The following MGAT4C variants were observed in gnomAD, a reference collection of about 807,000 sequenced individuals.
The protein encoded by MGAT4C is alpha-1,3-mannosyl-glycoprotein 4-beta-N-acetylglucosaminyltransferase C.
Under a neutral mutation model 40.1 loss-of-function variants are expected in MGAT4C, and 19 were observed. That is an observed-to-expected ratio of 0.47 (90% CI 0.33 to 0.70). The LOEUF (loss-of-function observed/expected upper bound fraction) is 0.70, where lower values mean the gene tolerates loss of function less well. Ranked by LOEUF, MGAT4C falls within the 30% of genes least tolerant of loss-of-function variation. The probability of loss-of-function intolerance (pLI) is 0.02; values close to 1 mark genes in which losing one functional copy is unlikely to be tolerated. For missense variants in MGAT4C, 491 were observed against 563.2 expected (o/e 0.87, Z 1.30); for synonymous variants, 181 against 187.1 (o/e 0.97, Z 0.27).
At chr12:86,836,719 T>C (rs111901698) in intron 1 of MGAT4C, among the ~76,000 whole-genome samples, 1 of 152,100 alleles carries the variant, frequency 6.6e-6, no homozygotes, top group Non-Finnish European at 1.5e-5. Flanking sequence ...CTGATTTTCA[T>C]ATATGTTATA....
chr12:86,214,570 A>T (rs771462964), intron 1 of MGAT4C, among the ~76,000 whole-genome samples: 19 of 152,164 alleles, frequency 1.2e-4, no homozygotes, highest in South Asian at 2.1e-4. Flanking sequence ...GCTTGGTGAG[A>T]TCCCTCCTCT....
intron 1 of MGAT4C, among the ~76,000 whole-genome samples, chr12:86,231,186 C>T (rs531241111): frequency 6.6e-6 from 1 of 152,208 alleles, no homozygotes; most frequent in African/African-American, 2.4e-5. Context: ...TTCCCTTTAG[C>T]AAATTATTTT....
At chr12:86,517,652 GTTTATTTA>G (rs376546298) in intron 2 of MGAT4C, among the ~76,000 whole-genome samples, 5 of 151,260 alleles carry the variant, frequency 3.3e-5, no homozygotes, top group African/African-American at 1.2e-4. Flanking sequence ...TTGTTTGTTT[GTTTATTTA>G]TTTAGAGATG....
At chr12:86,252,650 T>C (rs1952348151) in intron 1 of MGAT4C, among the ~76,000 whole-genome samples, 1 of 151,920 alleles carries the variant, frequency 6.6e-6, no homozygotes, top group African/African-American at 2.4e-5. Flanking sequence ...TGTCTCTAGT[T>C]TGCTTGTTCA....
chr12:86,611,381 C>T (rs929460299), intron 2 of MGAT4C, among the ~76,000 whole-genome samples: 1 of 146,728 alleles, frequency 6.8e-6, no homozygotes, highest in Admixed American at 6.8e-5. Flanking sequence ...AGATAGAGGT[C>T]CCATAGATAG....
chr12:86,817,577 T>C (rs948654303), intron 1 of MGAT4C, among the ~76,000 whole-genome samples: 4 of 151,678 alleles, frequency 2.6e-5, no homozygotes, highest in African/African-American at 9.6e-5. Context: ...TATTGAGAAA[T>C]AGGCCTACTA....
rs1206693119 is a variant in MGAT4C, at chr12:86,493,800, T to TAATAA, written c.-228-58540_-228-58536dup. On this transcript the variant is annotated intron_variant, in intron 2 of 7. Transcript: ENST00000548651. ...TACCCTAAAACTTGAAGTATAATAA[T>TAATAA]AATAAAATAAAATAAAATAAAATAA... Among the ~76,000 whole-genome samples the TAATAA allele has an allele frequency of 3.3e-3, 499 of 151,768 alleles. 2 individuals are homozygous for TAATAA. The highest frequency in any genetic ancestry group is 0.011 in the African/African-American group (470 of 41,366).
At chr12:86,032,127 TG>T (rs1890809880) in intron 2 of MGAT4C, among the ~76,000 whole-genome samples, 2 of 152,026 alleles carry the variant, frequency 1.3e-5, no homozygotes, top group Non-Finnish European at 2.9e-5. Flanking sequence ...TAAGATCCTG[TG>T]GTATATATCT....
intron 1 of MGAT4C, among the ~76,000 whole-genome samples, chr12:86,760,083 A>T (rs1326499827): frequency 6.6e-6 from 1 of 152,156 alleles, no homozygotes; most frequent in East Asian, 1.9e-4. Flanking sequence ...AGATACATAG[A>T]CTAGGAGTAA....
At chr12:86,109,515 C>T (rs1493406) in intron 1 of MGAT4C, among the ~76,000 whole-genome samples, 17,066 of 151,852 alleles carry the variant, frequency 0.11, 2,070 homozygotes, top group African/African-American at 0.3. Flanking sequence ...TTTTGAATAT[C>T]TAATTATATA....
At chr12:86,173,157 T>A (rs926514829) in intron 1 of MGAT4C, among the ~76,000 whole-genome samples, 11 of 152,102 alleles carry the variant, frequency 7.2e-5, no homozygotes, top group South Asian at 6.2e-4. Flanking sequence ...ATAACCTAAC[T>A]GGGATTCATA....
chr12:86,537,014 T>C (rs1959082696), intron 2 of MGAT4C, among the ~76,000 whole-genome samples: 1 of 152,154 alleles, frequency 6.6e-6, no homozygotes, highest in Non-Finnish European at 1.5e-5. Context: ...GTGGCACATA[T>C]ACAACATGGA....
chr12:86,610,388 CT>C (rs1962207611), intron 2 of MGAT4C, among the ~76,000 whole-genome samples: 1 of 152,072 alleles, frequency 6.6e-6, no homozygotes, highest in Admixed American at 6.6e-5. Flanking sequence ...GTGCCATCTA[CT>C]TTGAAGGAAT....
intron 2 of MGAT4C, among the ~76,000 whole-genome samples, chr12:86,496,355 C>G (rs1322337170): frequency 1.3e-5 from 2 of 151,876 alleles, no homozygotes; most frequent in Admixed American, 6.6e-5. Flanking sequence ...CTTGCAGAAG[C>G]CATTTCCAAT....
At chr12:86,039,202 G>T (rs1477354329) in intron 2 of MGAT4C, among the ~76,000 whole-genome samples, 2 of 151,994 alleles carry the variant, frequency 1.3e-5, no homozygotes, top group African/African-American at 4.8e-5. Context: ...GTGTCTTGGG[G>T]TTGCTCTTTT....
rs1869278040 is a variant in MGAT4C at position 86,074,499 on chromosome 12, G to A, written c.-56-24776C>T. 2.6e-5 allele frequency among the ~76,000 whole-genome samples: 4 copies of A among 152,222 alleles called. No individual in the cohort carries two copies. The South Asian group carries it at 8.3e-4, about 32-fold the overall frequency. On this transcript the variant is annotated intron_variant, in intron 1 of 4. Transcript: ENST00000611864. The stretch of plus-strand genomic sequence containing the variant: ...ATAATCCATATTTTTATAGAAGTGA[G>A]TGCAAGTATAATGACACTCTATGTA...
intron 1 of MGAT4C, among the ~76,000 whole-genome samples, chr12:86,797,545 C>T (rs974794846): frequency 2.6e-5 from 4 of 151,874 alleles, no homozygotes; most frequent in African/African-American, 9.7e-5. Flanking sequence ...TTTTTACTAT[C>T]TGTTTGTAGA....
chr12:86,176,245 C>T (rs1355031681), intron 1 of MGAT4C, among the ~76,000 whole-genome samples: 3 of 152,162 alleles, frequency 2.0e-5, no homozygotes, highest in African/African-American at 4.8e-5. Context: ...AGCTCTTGTA[C>T]ATTTCCATAC....
chr12:86,059,089 G>T (rs1367764613), intron 1 of MGAT4C, among the ~76,000 whole-genome samples: 1 of 152,132 alleles, frequency 6.6e-6, no homozygotes, highest in Admixed American at 6.5e-5. Context: ...TTGTCTCCCA[G>T]GCTGGTCTTC....
Sources: allele counts gnomAD v4.1 joint callset (sites outside exome capture counted in the v4.1 genomes callset), GRCh38; gene constraint gnomAD v4.1.1; transcripts MANE v1.5; gene names NCBI Gene and HGNC (gene_info 2026-07-23, HGNC 2026-07-21).